Variants in PRSS21 observed in about 807,000 individuals in gnomAD.
The protein encoded by PRSS21 is testisin.
A neutral mutation model predicts 31.1 loss-of-function variants in PRSS21; 40 were observed. The ratio of observed to expected loss-of-function variants is 1.29; its 90% CI spans 1.00 to 1.68. PRSS21 has a LOEUF of 1.68. Among genes scored for constraint, PRSS21 ranks in the 40% most tolerant of loss-of-function variants. The pLI is 0.00. For missense variants in PRSS21, 467 were observed against 412.6 expected (o/e 1.13, Z -1.14); for synonymous variants, 186 against 167.7 (o/e 1.11, Z -0.84).
At chr16:2,818,633 GC>G (rs2069119096) in intron 3 of PRSS21, 43 bp from the exon 4 acceptor site, 1 of 1,585,954 alleles carries the variant, frequency 6.3e-7, no homozygotes, top group African/African-American at 1.3e-5. Flanking sequence ...CAGGTAGCCA[GC>G]CCTCCATCCA....
chr16:2,817,874 G>A lies in PRSS21; in HGVS notation c.165G>A (p.Trp55Ter). The A allele has an allele frequency of 6.5e-7, 1 of 1,549,920 alleles. No individual in the cohort carries two copies. The highest frequency in any genetic ancestry group is 8.7e-7 in the Non-Finnish European group (1 of 1,147,128). Residue 55 changes from tryptophan to a stop codon, truncating the protein, a stop_gained, in exon 3 of 6, where the codon TGG (tryptophan) becomes TGA (stop). Transcript: ENST00000005995. LOFTEE classifies it high-confidence loss of function. The surrounding 1 kb of genome is among the most constrained non-coding windows in gnomAD (Gnocchi z 4.2). The part of the protein sequence containing the change: ...GEDAELGRWP[W>*]QGSLRLWDSH... The stretch of plus-strand genomic sequence containing the variant: ...ACGCCGAACTCGGGCGTTGGCCGTG[G>A]CAGGGGAGCCTGCGCCTGTGGGATT...
At chr16:2,819,672 C>G (rs1300169602) in intron 4 of PRSS21, among the ~76,000 whole-genome samples, 1 of 152,248 alleles carries the variant, frequency 6.6e-6, no homozygotes, top group African/African-American at 2.4e-5. Context: ...GTGTGCCTGG[C>G]ACTGTTCTAG....
intron 4 of PRSS21, among the ~76,000 whole-genome samples, chr16:2,820,295 G>A (rs1472834958): frequency 6.6e-6 from 1 of 152,260 alleles, no homozygotes; most frequent in Admixed American, 6.5e-5. Context: ...CTGACGGGAA[G>A]CGCTGCCTGC....
chr16:2,820,948 C>T lies in PRSS21; in HGVS notation c.551-7C>T, dbSNP rs370940247. ...TGTCTCTCTCCTTCCCACTATCGTC[C>T]GCACAGCACTGCCATCTCCCCACAC... On this transcript the variant is annotated splice_region_variant and splice_polypyrimidine_tract_variant and intron_variant, in intron 4 of 5. Transcript: ENST00000005995. 142 of 1,612,810 alleles carry T rather than the reference C, an allele frequency of 8.8e-5. No individual in the cohort carries two copies. The African/African-American group carries it at 9.6e-4, about 11-fold the overall frequency.
chr16:2,817,442 C>G lies in PRSS21; in HGVS notation c.77C>G (p.Ala26Gly). Residue 26 changes from alanine to glycine, a missense_variant, in exon 2 of 6, where the codon GCG becomes GGG. Transcript: ENST00000005995. The surrounding 1 kb of genome is among the most constrained non-coding windows in gnomAD (Gnocchi z 4.2). ...TTGTCTCCCGCAGAGTCGCAGGAGG[C>G]GGCGCCGTTATCAGGTAGGGCGCCC... ...AGLRKPESQEAAPLSGPCGRR... is the reference protein window; with the variant it reads ...AGLRKPESQEGAPLSGPCGRR... 1 of 1,510,070 alleles carries G rather than the reference C, an allele frequency of 6.6e-7. No homozygotes were observed. The highest frequency in any genetic ancestry group is 1.1e-5 in the South Asian group (1 of 89,038). 93.5% of individuals were successfully genotyped at this position (1,510,070 alleles called of 1,614,324 possible).
chr16:2,817,844 A>T lies in PRSS21; in HGVS notation c.135A>T (p.Gly45=), dbSNP rs559894495. 1.4e-4 allele frequency: 213 copies of T among 1,550,956 alleles called. 2 individuals carry two copies. The South Asian group carries it at 2.2e-3, about 16-fold the overall frequency. ...RRVITSRIVG[G]EDAELGRWPW... is the part of the protein sequence containing the mutation. ...TCATCACGTCGCGCATCGTGGGTGG[A>T]GAGGACGCCGAACTCGGGCGTTGGC... Residue 45 remains glycine (G), a synonymous_variant, in exon 3 of 6, where the codon GGA becomes GGT. Transcript: ENST00000005995. This position sits in a 1 kb window ranked among gnomAD's most constrained non-coding sequence, Gnocchi z 4.2.
Position 2,817,972 on chromosome 16 carries a change from T to C in PRSS21, c.257+6T>C. 1 of 1,546,222 alleles carries C rather than the reference T, an allele frequency of 6.5e-7. No individual in the cohort carries two copies. The highest frequency in any genetic ancestry group is 8.7e-7 in the Non-Finnish European group (1 of 1,145,516). ...GCGGCGCACTGCTTTGAAACGTGAG[T>C]GGGGGTGCGAACGGAGGGGTGCGGG... On this transcript the variant is annotated splice_donor_region_variant and intron_variant, in intron 3 of 5. Transcript: ENST00000005995. The surrounding 1 kb of genome is among the most constrained non-coding windows in gnomAD (Gnocchi z 4.2).
At position 2,817,786 on chromosome 16, in the gene PRSS21, C is replaced by A. The variant is rs1409861480; in HGVS notation, c.92-15C>A. 3 of 1,547,088 alleles carry A rather than the reference C, an allele frequency of 1.9e-6. No individual in the cohort carries two copies. The highest frequency in any genetic ancestry group is 8.7e-7 in the Non-Finnish European group (1 of 1,145,386). On this transcript the variant is annotated splice_polypyrimidine_tract_variant and intron_variant, in intron 2 of 5. Transcript: ENST00000005995. This position sits in a 1 kb window ranked among gnomAD's most constrained non-coding sequence, Gnocchi z 4.2. Reference sequence around the variant, plus strand: ...GCTGCCTCCCGCGGCTCAGCAGTTCCTCTGACCATCCGAGGACCATGCGGC... The same window carrying A: ...GCTGCCTCCCGCGGCTCAGCAGTTCATCTGACCATCCGAGGACCATGCGGC...
At chr16:2,819,702 A>AG (rs1357837157) in intron 4 of PRSS21, among the ~76,000 whole-genome samples, 5 of 152,244 alleles carry the variant, frequency 3.3e-5, no homozygotes, top group African/African-American at 1.2e-4. Flanking sequence ...CCCAGCAGTG[A>AG]GCCAGGCGCG....
In PRSS21 at chr16:2,817,768, C is replaced by G. The variant is rs768100577; in HGVS notation, c.92-33C>G. The G allele has an allele frequency of 5.8e-6, 9 of 1,540,678 alleles. No individual in the cohort carries two copies. The South Asian group carries it at 8.4e-5, about 14-fold the overall frequency. ...AGAGGTCGGGCTTGGGGGGCTGCCT[C>G]CCGCGGCTCAGCAGTTCCTCTGACC... On this transcript the variant is annotated intron_variant, in intron 2 of 5. Coordinates refer to ENST00000005995, the MANE Select transcript of PRSS21 (RefSeq NM_006799.4). This position sits in a 1 kb window ranked among gnomAD's most constrained non-coding sequence, Gnocchi z 4.2.
chr16:2,821,126 C>T lies in PRSS21; in HGVS notation c.705+17C>T. On this transcript the variant is annotated intron_variant, in intron 5 of 5. Coordinates refer to ENST00000005995, the MANE Select transcript of PRSS21 (RefSeq NM_006799.4). ...GCCTGCTTCGTGAGTGTCCTTGCCA[C>T]CACTCCCAGCCCAGGAAAGCATCCT... 4 of 1,613,248 alleles carry T rather than the reference C, an allele frequency of 2.5e-6. No homozygotes were observed. The highest frequency in any genetic ancestry group is 3.4e-6 in the Non-Finnish European group (4 of 1,179,700).
intron 5 of PRSS21, 37 bp from the exon 6 acceptor site, chr16:2,821,327 ACT>A: frequency 6.2e-7 from 1 of 1,608,002 alleles, no homozygotes; most frequent in East Asian, 2.2e-5. Context: ...TGCCCCACTC[ACT>A]CTGCCCCAGG....
At position 2,818,816 on chromosome 16, in the gene PRSS21, A is replaced by C. The variant is rs2069123974; in HGVS notation, c.397A>C (p.Asn133His). 1 of 1,613,752 alleles carries C rather than the reference A, an allele frequency of 6.2e-7. No homozygotes were observed. The highest frequency in any genetic ancestry group is 8.5e-7 in the Non-Finnish European group (1 of 1,179,628). Reference sequence around the variant, plus strand: ...CTATCTGAGCCCTCGCTACCTGGGGAATTCACCCTATGACATTGCCTTGGT... The same window carrying C: ...CTATCTGAGCCCTCGCTACCTGGGGCATTCACCCTATGACATTGCCTTGGT... ...NIYLSPRYLG[N>H]SPYDIALVKL... The change falls in exon 4 of 6, where the codon AAT becomes CAT. Residue 133 changes from asparagine (N) to histidine (H), a missense_variant. Transcript: ENST00000005995.
At chr16:2,820,083 C>T (rs572303129) in intron 4 of PRSS21, among the ~76,000 whole-genome samples, 3 of 152,286 alleles carry the variant, frequency 2.0e-5, no homozygotes, top group East Asian at 3.9e-4. Context: ...TTCACAGTGC[C>T]GGGGAGGCAG....
In PRSS21 at chr16:2,821,013, G is replaced by T. The variant is rs758817480; in HGVS notation, c.609G>T (p.Met203Ile). 6.2e-6 allele frequency: 10 copies of T among 1,614,094 alleles called. No homozygotes were observed. In the South Asian group the frequency reaches 1.1e-4, roughly 18 times the overall value. ...AGGTCGCCATCATAAACAACTCTAT[G>T]TGCAACCACCTCTTCCTCAAGTACA... ...EVQVAIINNSMCNHLFLKYSF... is the reference protein window; with the variant it reads ...EVQVAIINNSICNHLFLKYSF... The change falls in exon 5 of 6, where the codon ATG becomes ATT. Residue 203 changes from methionine (M) to isoleucine (I), a missense_variant. By Grantham distance (10) the Met-to-Ile change is conservative. Transcript: ENST00000005995.
In PRSS21 at chr16:2,817,553, G is replaced by A; in HGVS notation, c.91+97G>A. ...AGAGGGGGGCCTTTACTGCTCTCTC[G>A]CCCCCGCCCCCGGGATCGAGAACTC... is the stretch of plus-strand genomic sequence containing the variant. On this transcript the variant is annotated intron_variant, in intron 2 of 5. Transcript: ENST00000005995. This position sits in a 1 kb window ranked among gnomAD's most constrained non-coding sequence, Gnocchi z 4.2. 2 of 1,420,934 alleles carry A rather than the reference G, an allele frequency of 1.4e-6. No individual in the cohort carries two copies. Among genetic ancestry groups the A allele is most frequent in the Non-Finnish European group, 1.9e-6 (2 of 1,071,326 alleles). 88.0% of individuals were successfully genotyped at this position (1,420,934 alleles called of 1,614,324 possible).
intron 4 of PRSS21, 69 bp from the exon 5 acceptor site, chr16:2,820,886 G>A: frequency 6.5e-7 from 1 of 1,534,552 alleles, no homozygotes; most frequent in Non-Finnish European, 8.9e-7. Flanking sequence ...CACCCCCGCA[G>A]CCTATGCCAT....
At position 2,817,654 on chromosome 16, in the gene PRSS21, G is replaced by A. The variant is rs2069099057; in HGVS notation, c.92-147G>A. On this transcript the variant is annotated intron_variant, in intron 2 of 5. Coordinates refer to ENST00000005995, the MANE Select transcript of PRSS21 (RefSeq NM_006799.4). The surrounding 1 kb of genome is among the most constrained non-coding windows in gnomAD (Gnocchi z 4.2). ...TGCAGAGCACGTGGGAGGATCTCCA[G>A]TGTCACCTACTTCCTGCTGCACACA... is the stretch of plus-strand genomic sequence containing the variant. The A allele has an allele frequency of 7.9e-7, 1 of 1,270,496 alleles. No homozygotes were observed. The allele number at this position is 1,270,496 out of a possible 1,614,324, so 78.7% of individuals were successfully genotyped here. A position where few individuals can be genotyped will look rare whatever the true frequency, so the allele number is the denominator to read the frequency against.
At position 2,818,779 on chromosome 16, in the gene PRSS21, C is replaced by T. The variant is rs758836098; in HGVS notation, c.360C>T (p.Phe120=). The change falls in exon 4 of 6, where the codon TTC becomes TTT. Residue 120 remains phenylalanine, a synonymous_variant. Coordinates refer to ENST00000005995, the MANE Select transcript of PRSS21 (RefSeq NM_006799.4). ...TGCAGGCCTACTACACCCGTTACTT[C>T]GTATCGAATATCTATCTGAGCCCTC... The part of the protein sequence containing the change: ...WSLQAYYTRY[F]VSNIYLSPRY... 16 of 1,613,300 alleles carry T rather than the reference C, an allele frequency of 9.9e-6. No homozygotes were observed. Among genetic ancestry groups the T allele is most frequent in the African/African-American group, 5.3e-5 (4 of 74,916 alleles).
Sources: allele counts gnomAD v4.1 joint callset (sites outside exome capture counted in the v4.1 genomes callset), GRCh38; gene constraint gnomAD v4.1.1; non-coding constraint Gnocchi (gnomAD v3.1); transcripts MANE v1.5; gene names NCBI Gene and HGNC (gene_info 2026-07-23, HGNC 2026-07-21).